The following SEPTIN8 variants were observed in gnomAD, a reference collection of about 807,000 sequenced individuals.
SEPTIN8 encodes the protein septin-8.
In SEPTIN8, 22 loss-of-function variants were observed where a neutral mutation model predicts 53.1. The ratio of observed to expected loss-of-function variants is 0.41; its 90% CI spans 0.30 to 0.59. The LOEUF (loss-of-function observed/expected upper bound fraction) is 0.59. Ranked by LOEUF, SEPTIN8 falls within the 20% of genes least tolerant of loss-of-function variation. The pLI is 0.24. For synonymous variants in SEPTIN8, 228 were observed against 248.4 expected (o/e 0.92, Z 0.77); for missense variants, 536 against 638.7 (o/e 0.84, Z 1.73).
chr5:132,756,813 A>C (rs898958640), intron 9 of SEPTIN8: 2 of 985,308 alleles, frequency 2.0e-6, no homozygotes, highest in African/African-American at 3.5e-5. Context: ...GCCACAATGG[A>C]CGAATGGCCA....
chr5:132,758,609 G>C (rs913916463), intron 9 of SEPTIN8: 3 of 1,602,140 alleles, frequency 1.9e-6, no homozygotes, highest in Non-Finnish European at 8.5e-7. Context: ...TGGCTTTTAC[G>C]TGTTTGCATA....
At chr5:132,762,777 G>A (rs1756124800) in intron 4 of SEPTIN8, 132 bp from the exon 5 acceptor site, 3 of 971,164 alleles carry the variant, frequency 3.1e-6, no homozygotes, top group African/African-American at 1.6e-5. Flanking sequence ...CAGAGAGATG[G>A]AGCCACTCCC....
Position 132,761,846 on chromosome 5 carries a change from C to T in SEPTIN8, c.747G>A (p.Gly249=), listed in dbSNP as rs367693149. The part of the protein sequence containing the change: ...VVGSTEEVKV[G]NKLVRARQYP... ...ACTGCCGTGCTCGGACCAGCTTGTT[C>T]CCCACCTTCACCTCCTCGGTGCTGC... The change falls in exon 6 of 10, where the codon GGG becomes GGA. Residue 249 remains glycine (G), a synonymous_variant. Transcript: ENST00000378719. This position sits in a 1 kb window ranked among gnomAD's most constrained non-coding sequence, Gnocchi z 5.8. 7 of 1,608,192 alleles carry T rather than the reference C, an allele frequency of 4.4e-6. No homozygotes were observed. The African/African-American group carries it at 9.4e-5, about 21-fold the overall frequency.
At chr5:132,772,419 G>C (rs1476389016) in intron 1 of SEPTIN8, among the ~76,000 whole-genome samples, 1 of 152,174 alleles carries the variant, frequency 6.6e-6, no homozygotes, top group Non-Finnish European at 1.5e-5. Flanking sequence ...CCACCACAGA[G>C]GAGATGGGGA....
chr5:132,752,620 C>G (rs1458147638), intron 9 of SEPTIN8, among the ~76,000 whole-genome samples: 1 of 152,092 alleles, frequency 6.6e-6, no homozygotes, highest in African/African-American at 2.4e-5. Flanking sequence ...TGTGGGGGCA[C>G]AAGGAGGAGA....
At position 132,777,184 on chromosome 5, in the gene SEPTIN8, G is replaced by GC; in HGVS notation, c.-48dup. 1 of 1,164,922 alleles carries GC rather than the reference G, an allele frequency of 8.6e-7. No homozygotes were observed. Among genetic ancestry groups the GC allele is most frequent in the Non-Finnish European group, 1.1e-6 (1 of 944,108 alleles). The allele number at this position is 1,164,922 out of a possible 1,614,324, so 72.2% of individuals were successfully genotyped here. ...GTGGGCTGGGACGAGCGCAGGGGCA[G>GC]CGACAGGGACCAGCCGGCTGCGGGA... On this transcript the variant is annotated 5_prime_UTR_variant, in exon 1 of 10. Coordinates refer to ENST00000378719, the MANE Select transcript of SEPTIN8 (RefSeq NM_001098811.2). The surrounding 1 kb of genome is among the most constrained non-coding windows in gnomAD (Gnocchi z 4.1).
rs796890311 is a variant in SEPTIN8, at chr5:132,776,525, G to A, written c.30+583C>T. ...GCCGCAGACCCGACCACTGAGGCCTGACCTGCCTGGAGTCGCACCCAGGAT... is the reference window on the plus strand; with the variant it reads ...GCCGCAGACCCGACCACTGAGGCCTAACCTGCCTGGAGTCGCACCCAGGAT... On this transcript the variant is annotated intron_variant, in intron 1 of 9. Coordinates refer to ENST00000378719, the MANE Select transcript of SEPTIN8 (RefSeq NM_001098811.2). This position sits in a 1 kb window ranked among gnomAD's most constrained non-coding sequence, Gnocchi z 4.4. Among the ~76,000 whole-genome samples the A allele has an allele frequency of 6.6e-6, 1 of 152,210 alleles. No individual in the cohort carries two copies. Among genetic ancestry groups the A allele is most frequent in the Non-Finnish European group, 1.5e-5 (1 of 68,030 alleles).
chr5:132,762,874 TC>T (rs148307840), intron 4 of SEPTIN8, among the ~76,000 whole-genome samples: 3,160 of 152,154 alleles, frequency 0.021, 115 homozygotes, highest in African/African-American at 0.072. Context: ...CAGCCCTGGT[TC>T]CCCCAAATCA....
chr5:132,775,034 A>G (rs1038090128), intron 1 of SEPTIN8, among the ~76,000 whole-genome samples: 1 of 152,186 alleles, frequency 6.6e-6, no homozygotes, highest in Non-Finnish European at 1.5e-5. Context: ...CTGACAGCCC[A>G]AAGTGCAGAG....
intron 1 of SEPTIN8, among the ~76,000 whole-genome samples, chr5:132,771,548 G>A (rs186084653): frequency 2.1e-3 from 322 of 152,292 alleles, no homozygotes; most frequent in African/African-American, 6.5e-3. Context: ...CCACTCCCCA[G>A]GGGAGCTCCA....
At chr5:132,766,046 G>C (rs557241210) in intron 1 of SEPTIN8, among the ~76,000 whole-genome samples, 1 of 152,296 alleles carries the variant, frequency 6.6e-6, no homozygotes, top group East Asian at 1.9e-4. Flanking sequence ...TGCTCCCTCA[G>C]AGGAGCCTTC....
chr5:132,765,714 AGCCCGAT>A (rs532739394), intron 1 of SEPTIN8, among the ~76,000 whole-genome samples, 185 bp from the exon 2 acceptor site: 50 of 152,324 alleles, frequency 3.3e-4, no homozygotes, highest in African/African-American at 1.1e-3. Flanking sequence ...CCCCAGAGGG[AGCCCGAT>A]GCCCCCAGGG....
intron 9 of SEPTIN8, among the ~76,000 whole-genome samples, chr5:132,755,046 C>T (rs1341002703): frequency 6.6e-6 from 1 of 152,054 alleles, no homozygotes; most frequent in Non-Finnish European, 1.5e-5. Flanking sequence ...CCTAGGAGGC[C>T]CTCCTCCCCC....
intron 9 of SEPTIN8, chr5:132,756,503 G>A (rs1324466053): frequency 1.0e-6 from 1 of 985,284 alleles, no homozygotes; most frequent in Non-Finnish European, 1.2e-6. Context: ...AGAAAAAGAG[G>A]GGTAAATGAG....
rs148172655 is a variant in SEPTIN8, at chr5:132,765,649, A to G, written c.31-120T>C. ...AGCCCCACCCGATGTCTGAATTCTC[A>G]ACAAATCTCAGACACACCCTGAGTA... is the stretch of plus-strand genomic sequence containing the variant. On this transcript the variant is annotated intron_variant, in intron 1 of 9. Transcript: ENST00000378719. The G allele has an allele frequency of 6.4e-6, 8 of 1,246,460 alleles. No individual in the cohort carries two copies. In the African/African-American group the frequency reaches 1.2e-4, roughly 19 times the overall value. The allele number at this position is 1,246,460 out of a possible 1,614,324, so 77.2% of individuals were successfully genotyped here.
chr5:132,765,977 C>G (rs79857094), intron 1 of SEPTIN8, among the ~76,000 whole-genome samples: 3,202 of 152,260 alleles, frequency 0.021, 117 homozygotes, highest in African/African-American at 0.073. Context: ...TCCTCCCAGG[C>G]CCTCCCACTG....
chr5:132,756,115 A>G (rs981874939), intron 9 of SEPTIN8: 1 of 985,480 alleles, frequency 1.0e-6, no homozygotes, highest in Non-Finnish European at 1.2e-6. Flanking sequence ...GCAATTTTAG[A>G]AAAGCATGTT....
At position 132,776,155 on chromosome 5, in the gene SEPTIN8, CCCT is replaced by C. The variant is rs534956269; in HGVS notation, c.30+950_30+952del. 3.3e-5 allele frequency among the ~76,000 whole-genome samples: 5 copies of C among 151,574 alleles called. No individual in the cohort carries two copies. Among genetic ancestry groups the C allele is most frequent in the Non-Finnish European group, 4.4e-5 (3 of 67,842 alleles). On this transcript the variant is annotated intron_variant, in intron 1 of 9. Coordinates refer to ENST00000378719, the MANE Select transcript of SEPTIN8 (RefSeq NM_001098811.2). This position sits in a 1 kb window ranked among gnomAD's most constrained non-coding sequence, Gnocchi z 4.4. ...CCTTCCCTCCAACAGCCCTGGGCCT[CCCT>C]CCTCCTCCTCCTCCTTCTCCCCCTC...
intron 2 of SEPTIN8, 24 bp downstream of exon 2, chr5:132,765,385 C>T: frequency 6.2e-7 from 1 of 1,612,488 alleles, no homozygotes; most frequent in Non-Finnish European, 8.5e-7. Context: ...CACCCTCTGT[C>T]TGAGGCCAGG....
Sources: gnomAD v4.1 joint callset for allele counts (sites outside exome capture counted in the v4.1 genomes callset) on GRCh38, gnomAD v4.1.1 for gene constraint, Gnocchi (gnomAD v3.1) non-coding constraint, MANE v1.5 for transcripts, NCBI Gene and HGNC (gene_info 2026-07-23, HGNC 2026-07-21) for gene names.